Variants in TRIM33 observed in about 807,000 individuals in gnomAD.
TRIM33 encodes the protein tripartite motif containing 33.
In TRIM33, 20 loss-of-function variants were observed where a neutral mutation model predicts 125.4. That is an observed-to-expected ratio of 0.16 (90% CI 0.11 to 0.23). The LOEUF (loss-of-function observed/expected upper bound fraction) is 0.23. TRIM33 is among the 10% of genes least tolerant of loss of function. TRIM33 has a pLI of 1.00. For missense variants in TRIM33, 920 were observed against 1,411.4 expected (o/e 0.65, Z 5.58); for synonymous variants, 564 against 513.9 (o/e 1.10, Z -1.32).
At chr1:114,427,468 C>T (rs6682018) in intron 7 of TRIM33, among the ~76,000 whole-genome samples, 174 bp from the exon 8 acceptor site, 4,977 of 152,140 alleles carry the variant, frequency 0.033, 251 homozygotes, top group African/African-American at 0.11. Context: ...GAATTTCTGC[C>T]ATTTTGGGTA....
At chr1:114,421,390 A>T in intron 11 of TRIM33, 46 bp downstream of exon 11, 2 of 1,527,574 alleles carry the variant, frequency 1.3e-6, no homozygotes, top group Non-Finnish European at 1.8e-6. Flanking sequence ...CTAACTCTGT[A>T]ATTAACATTA....
intron 12 of TRIM33, among the ~76,000 whole-genome samples, chr1:114,409,939 AAAG>A (rs891611628): frequency 6.6e-5 from 10 of 152,092 alleles, no homozygotes; most frequent in Non-Finnish European, 1.5e-4. Flanking sequence ...CTCATGCCCC[AAAG>A]AAGAAATTTT....
At chr1:114,441,345 C>T (rs957881450) in intron 4 of TRIM33, among the ~76,000 whole-genome samples, 27 of 152,164 alleles carry the variant, frequency 1.8e-4, no homozygotes, top group Admixed American at 1.6e-3. Context: ...CTAAATTTGC[C>T]TATTTGCCAA....
intron 5 of TRIM33, among the ~76,000 whole-genome samples, chr1:114,431,149 T>C (rs185408347): frequency 3.9e-5 from 6 of 152,340 alleles, no homozygotes; most frequent in African/African-American, 1.4e-4. Flanking sequence ...AAAGGACAGT[T>C]TATTAAGCTG....
At chr1:114,509,496 C>G (rs1653209923) in intron 1 of TRIM33, among the ~76,000 whole-genome samples, 1 of 152,164 alleles carries the variant, frequency 6.6e-6, no homozygotes, top group African/African-American at 2.4e-5. Context: ...CCAAAATATT[C>G]TGAAGTCCTT....
intron 1 of TRIM33, among the ~76,000 whole-genome samples, chr1:114,472,056 T>C (rs2101436425): frequency 6.6e-6 from 1 of 152,346 alleles, no homozygotes; most frequent in African/African-American, 2.4e-5. Flanking sequence ...CCACAGACCA[T>C]GCTGGAAATT....
In TRIM33 at chr1:114,463,556, C is replaced by T. The variant is rs777984774; in HGVS notation, c.646G>A (p.Val216Ile). The T allele has an allele frequency of 1.3e-6, 2 of 1,580,934 alleles. No individual in the cohort carries two copies. Among genetic ancestry groups the T allele is most frequent in the African/African-American group, 1.4e-5 (1 of 73,352 alleles). ...PSSSDEKSEQ[V>I]CTSCEDNASA... is the part of the protein sequence containing the mutation. ...GCATTGTCTTCACAACTAGTACATA[C>T]CTAAAAGAAGAAATAAGCACTAATC... The change falls in exon 3 of 20, where the codon GTA becomes ATA. Residue 216 changes from valine (V) to isoleucine (I), a missense_variant and splice_region_variant. Val to Ile is a conservative substitution (Grantham distance 29, BLOSUM62 3). Transcript: ENST00000358465.
At position 114,427,763 on chromosome 1, in the gene TRIM33, T is replaced by G. The variant is rs1405615422; in HGVS notation, c.1287A>C (p.Leu429=). Residue 429 remains leucine, a synonymous_variant, in exon 7 of 20, where the codon CTA becomes CTC. Coordinates refer to ENST00000358465, the MANE Select transcript of TRIM33 (RefSeq NM_015906.4). Reference sequence around the variant, plus strand: ...TGTGTCTCACCAGTCGCTTGCTGTATAGTAGTGCTGTGCTGCTGCCACTTG... The same window carrying G: ...TGTGTCTCACCAGTCGCTTGCTGTAGAGTAGTGCTGTGCTGCTGCCACTTG... ...AIASGSSTAL[L]YSKRLITFQL... The G allele has an allele frequency of 2.5e-6, 4 of 1,614,020 alleles. No homozygotes were observed. The African/African-American group carries it at 5.3e-5, about 22-fold the overall frequency.
chr1:114,402,672 T>C (rs1229589051), intron 16 of TRIM33, 88 bp downstream of exon 16: 3 of 1,409,482 alleles, frequency 2.1e-6, no homozygotes, highest in Non-Finnish European at 2.9e-6. Flanking sequence ...TATCAGGTTT[T>C]GTGTATGCTA....
intron 6 of TRIM33, among the ~76,000 whole-genome samples, chr1:114,430,280 C>A (rs186828994): frequency 5.7e-4 from 87 of 152,126 alleles, no homozygotes; most frequent in Non-Finnish European, 9.0e-4. Flanking sequence ...GGGTCTCACT[C>A]TGTTGCCCAG....
chr1:114,433,596 G>T, intron 5 of TRIM33, 21 bp downstream of exon 5: 1 of 1,426,540 alleles, frequency 7.0e-7, no homozygotes, highest in Non-Finnish European at 9.7e-7. Context: ...TAAAATTATG[G>T]TTTTAAGGCA....
intron 1 of TRIM33, among the ~76,000 whole-genome samples, chr1:114,491,933 T>G (rs114036973): frequency 3.3e-5 from 5 of 152,202 alleles, no homozygotes; most frequent in African/African-American, 1.2e-4. Context: ...ACATCCTTCA[T>G]GCACTTAGCA....
chr1:114,463,290 T>G (rs1276925747), intron 3 of TRIM33, 54 bp from the exon 4 acceptor site: 2 of 1,561,984 alleles, frequency 1.3e-6, no homozygotes, highest in African/African-American at 1.4e-5. Context: ...TTTTGTCTAG[T>G]TTTCTAAATT....
At chr1:114,420,470 G>A (rs1400625866) in intron 11 of TRIM33, 1 of 1,289,196 alleles carries the variant, frequency 7.8e-7, no homozygotes, top group Non-Finnish European at 1.0e-6. Flanking sequence ...GGTGTAGAAA[G>A]GGAGTAACTA....
intron 11 of TRIM33, 144 bp from the exon 12 acceptor site, chr1:114,410,460 T>C: frequency 1.3e-6 from 1 of 799,070 alleles, no homozygotes; most frequent in Non-Finnish European, 1.9e-6. Context: ...TTCCTTAGGG[T>C]CCACTGAGGG....
chr1:114,469,153 C>G (rs74901102), intron 1 of TRIM33: 4,960 of 188,072 alleles, frequency 0.026, 104 homozygotes, highest in Non-Finnish European at 0.033. Flanking sequence ...TCACTGGACA[C>G]ACACCTGCAG....
chr1:114,497,743 A>G (rs1247134616), intron 1 of TRIM33, among the ~76,000 whole-genome samples: 1 of 152,216 alleles, frequency 6.6e-6, no homozygotes, highest in Non-Finnish European at 1.5e-5. Flanking sequence ...CCTGATCTAA[A>G]GCAATGCCCA....
chr1:114,452,587 T>G (rs1312148652), intron 4 of TRIM33, among the ~76,000 whole-genome samples: 7 of 151,926 alleles, frequency 4.6e-5, no homozygotes, highest in Admixed American at 2.0e-4. Flanking sequence ...TTATCACAAT[T>G]GCAAAGTTGA....
chr1:114,397,309 C>A lies in TRIM33; in HGVS notation c.*339G>T. On this transcript the variant is annotated 3_prime_UTR_variant, in exon 20 of 20. Transcript: ENST00000358465. ...CGAGTCTCAAGTATTTACTCGTATA[C>A]CAAGTATCCTGCACCAATCAATAGC... The A allele has an allele frequency of 3.2e-6, 1 of 315,074 alleles. No individual in the cohort carries two copies. The highest frequency in any genetic ancestry group is 6.5e-5 in the South Asian group (1 of 15,418). The allele number at this position is 315,074 out of a possible 1,614,324, so 19.5% of individuals were successfully genotyped here.
Sources: allele counts gnomAD v4.1 joint callset (sites outside exome capture counted in the v4.1 genomes callset), GRCh38; gene constraint gnomAD v4.1.1; transcripts MANE v1.5; gene names NCBI Gene and HGNC (gene_info 2026-07-23, HGNC 2026-07-21).